PARD3: variants seen among roughly 807,000 people sequenced by gnomAD.
PARD3 encodes partitioning defective 3 homolog.
In PARD3, 75 loss-of-function variants were observed where a neutral mutation model predicts 155.4. That is an observed-to-expected ratio of 0.48 (90% confidence interval 0.40 to 0.58). The LOEUF is 0.58. PARD3 is among the 20% of genes least tolerant of loss of function. PARD3 has a pLI of 0.00. For missense variants in PARD3, 1,642 were observed against 1,721.7 expected, an observed-to-expected ratio of 0.95 and a Z score of 0.82; for synonymous variants, 576 against 610.5, an observed-to-expected ratio of 0.94 and a Z score of 0.83.
chr10:34,328,927 A>T (rs1835323244), intron 19 of PARD3, among the ~76,000 whole-genome samples: 1 of 152,226 alleles, frequency 6.6e-6, no homozygotes, highest in Admixed American at 6.5e-5. Context: ...TTTGAAAAAT[A>T]CAACATTTGG....
intron 2 of PARD3, among the ~76,000 whole-genome samples, chr10:34,606,665 C>A (rs2090478246): frequency 7.2e-6 from 1 of 138,344 alleles, no homozygotes; most frequent in South Asian, 2.3e-4. Context: ...AAAAAAAAGT[C>A]TGTCTATCAA....
intron 2 of PARD3, among the ~76,000 whole-genome samples, chr10:34,617,773 T>C (rs2091359231): frequency 6.6e-6 from 1 of 152,272 alleles, no homozygotes; most frequent in Non-Finnish European, 1.5e-5. Flanking sequence ...ACTGGCTTCA[T>C]AAATTTAAAC....
rs559166563 is a variant in PARD3 at position 34,674,779 on chromosome 10, G to C, written c.222+21539C>G. Among the ~76,000 whole-genome samples, 3 of 152,166 alleles carry C rather than the reference G, an allele frequency of 2.0e-5. No homozygotes were observed. In the South Asian group the frequency reaches 6.2e-4, roughly 32 times the overall value. On this transcript the variant is annotated intron_variant, in intron 2 of 24. Transcript: ENST00000374788. Reference sequence around the variant, plus strand: ...TGGGATTACAGGCGTGAGCCACCGTGCCCAGCCCTCACTCTTGAATTCTTT... The same window carrying C: ...TGGGATTACAGGCGTGAGCCACCGTCCCCAGCCCTCACTCTTGAATTCTTT...
At chr10:34,239,886 T>C (rs1953473631) in intron 22 of PARD3, among the ~76,000 whole-genome samples, 1 of 151,984 alleles carries the variant, frequency 6.6e-6, no homozygotes, top group African/African-American at 2.4e-5. Flanking sequence ...TGAAAAAATA[T>C]GAGTATTTTT....
chr10:34,419,207 G>A (rs1180715569), intron 5 of PARD3, among the ~76,000 whole-genome samples: 3 of 152,048 alleles, frequency 2.0e-5, no homozygotes, highest in Non-Finnish European at 4.4e-5. Flanking sequence ...GTTGAGGGGA[G>A]AATGGATAAG....
At chr10:34,579,146 T>C (rs1437375169) in intron 2 of PARD3, among the ~76,000 whole-genome samples, 1 of 151,982 alleles carries the variant, frequency 6.6e-6, no homozygotes, top group East Asian at 1.9e-4. Context: ...GGCGTGCGCC[T>C]GTAATCCCAG....
chr10:34,326,125 TAA>T (rs979390862), intron 19 of PARD3, among the ~76,000 whole-genome samples: 28 of 108,852 alleles, frequency 2.6e-4, no homozygotes, highest in Admixed American at 1.9e-4. Context: ...ACACTCTTTC[TAA>T]AAAAAAAAAA....
intron 22 of PARD3, among the ~76,000 whole-genome samples, chr10:34,211,504 G>A (rs933799742): frequency 6.6e-5 from 10 of 152,186 alleles, no homozygotes; most frequent in Admixed American, 3.3e-4. Context: ...AATGGAGGCC[G>A]GGAGTGATGT....
At chr10:34,587,641 G>A (rs2088216107) in intron 2 of PARD3, among the ~76,000 whole-genome samples, 1 of 152,072 alleles carries the variant, frequency 6.6e-6, no homozygotes, top group Non-Finnish European at 1.5e-5. Flanking sequence ...TGTTGGTGGT[G>A]ATATTCTGTG....
In PARD3 at chr10:34,378,125, A is replaced by G; in HGVS notation, c.1400-19T>C. The G allele has an allele frequency of 6.4e-7, 1 of 1,552,744 alleles. No homozygotes were observed. Among genetic ancestry groups the G allele is most frequent in the African/African-American group, 1.4e-5 (1 of 71,006 alleles). On this transcript the variant is annotated intron_variant, in intron 9 of 24. Transcript: ENST00000374788. Reference sequence around the variant, plus strand: ...TCTGTACCTAGGTATGTGAAGGAGAAGAAAAGTAAATAAAATGAGATATCT... The same window carrying G: ...TCTGTACCTAGGTATGTGAAGGAGAGGAAAAGTAAATAAAATGAGATATCT...
intron 1 of PARD3, among the ~76,000 whole-genome samples, chr10:34,739,107 T>C (rs1230562261): frequency 1.3e-5 from 2 of 152,340 alleles, no homozygotes; most frequent in East Asian, 3.9e-4. Context: ...GTAAAGTTTT[T>C]ATTACATAAA....
intron 22 of PARD3, among the ~76,000 whole-genome samples, chr10:34,233,832 A>G (rs2133591264): frequency 6.6e-6 from 1 of 152,202 alleles, no homozygotes; most frequent in South Asian, 2.1e-4. Context: ...CCCTGCCTCA[A>G]GGCTGCCCAC....
chr10:34,141,911 T>A (rs1013322038), intron 22 of PARD3, among the ~76,000 whole-genome samples: 1 of 152,166 alleles, frequency 6.6e-6, no homozygotes, highest in African/African-American at 2.4e-5. Flanking sequence ...CAGCCATACC[T>A]CCAATGGGGC....
chr10:34,551,057 A>G (rs2084514257), intron 2 of PARD3, among the ~76,000 whole-genome samples: 1 of 152,202 alleles, frequency 6.6e-6, no homozygotes, highest in African/African-American at 2.4e-5. Context: ...AATTCTGTAA[A>G]TGCAAAATGT....
In PARD3 at chr10:34,378,193, T is replaced by C. The variant is rs1220089068; in HGVS notation, c.1400-87A>G. ...TTGCACCAGTATACTCAACCTCAAC[T>C]TGACATTTTGTAACTTTCACAATGG... On this transcript the variant is annotated intron_variant, in intron 9 of 24. Transcript: ENST00000374788. 6 of 961,870 alleles carry C rather than the reference T, an allele frequency of 6.2e-6. No homozygotes were observed. In the Admixed American group the frequency reaches 8.5e-5, roughly 14 times the overall value. 59.6% of individuals were successfully genotyped at this position (961,870 alleles called of 1,614,324 possible). A position where few individuals can be genotyped will look rare whatever the true frequency, so the allele number is the denominator to read the frequency against.
chr10:34,151,901 T>C (rs1948798872), intron 22 of PARD3, among the ~76,000 whole-genome samples: 1 of 152,232 alleles, frequency 6.6e-6, no homozygotes, highest in South Asian at 2.1e-4. Flanking sequence ...CGGCTTTAAA[T>C]ATATTCTGTT....
chr10:34,493,719 C>CT (rs2080075433), intron 3 of PARD3, among the ~76,000 whole-genome samples: 1 of 148,346 alleles, frequency 6.7e-6, no homozygotes, highest in Admixed American at 6.7e-5. Flanking sequence ...GCGACAAAAG[C>CT]GAAACTCTGT....
chr10:34,190,161 C>A (rs1002866392), intron 22 of PARD3, among the ~76,000 whole-genome samples: 1 of 152,158 alleles, frequency 6.6e-6, no homozygotes, highest in Admixed American at 6.5e-5. Flanking sequence ...TTTCACATTA[C>A]AATAACTAGT....
intron 22 of PARD3, among the ~76,000 whole-genome samples, chr10:34,237,870 T>C (rs1953337107): frequency 6.6e-6 from 1 of 152,158 alleles, no homozygotes; most frequent in African/African-American, 2.4e-5. Context: ...TGGTAAATGG[T>C]GTTTCATCAG....
Sources: gnomAD v4.1 joint callset for allele counts (sites outside exome capture counted in the v4.1 genomes callset) on GRCh38, gnomAD v4.1.1 for gene constraint, MANE v1.5 for transcripts, NCBI Gene and HGNC (gene_info 2026-07-23, HGNC 2026-07-21) for gene names.